Variants in PRKAR1B observed in about 807,000 individuals in gnomAD.
PRKAR1B encodes the protein cAMP-dependent protein kinase type I-beta regulatory subunit.
In PRKAR1B, 22 loss-of-function variants were observed where a neutral mutation model predicts 46.5. The ratio of observed to expected loss-of-function variants is 0.47; its 90% CI spans 0.34 to 0.68. The LOEUF (loss-of-function observed/expected upper bound fraction) is 0.68, where lower values mean the gene tolerates loss of function less well. PRKAR1B is among the 30% of genes least tolerant of loss of function. PRKAR1B has a pLI of 0.01. For synonymous variants in PRKAR1B, 259 were observed against 217.7 expected, an observed-to-expected ratio of 1.19 and a Z score of -1.67; for missense variants, 445 against 535.6, an observed-to-expected ratio of 0.83 and a Z score of 1.67.
intron 4 of PRKAR1B, among the ~76,000 whole-genome samples, chr7:642,552 C>A (rs1215116460): frequency 6.6e-6 from 1 of 151,736 alleles, no homozygotes; most frequent in African/African-American, 2.4e-5. Context: ...GGTGAAACCC[C>A]GTCTCTACTA....
intron 9 of PRKAR1B, among the ~76,000 whole-genome samples, chr7:556,997 C>G (rs1778484036): frequency 6.6e-6 from 1 of 152,202 alleles, no homozygotes; most frequent in Non-Finnish European, 1.5e-5. Flanking sequence ...CCACAGCCGA[C>G]CCCCACCTCT....
rs776006801 is a variant in PRKAR1B, at chr7:596,260, G to T, written c.594C>A (p.Gly198=). 8 of 1,613,772 alleles carry T rather than the reference G, an allele frequency of 5.0e-6. No individual in the cohort carries two copies. Among genetic ancestry groups the T allele is most frequent in the African/African-American group, 2.7e-5 (2 of 74,934 alleles). ...AGATGAGCGCCAGCTCCCCGAAGCTGCCTCCCTCGCTGATGTTGGTCACCC... is the reference window on the plus strand; with the variant it reads ...AGATGAGCGCCAGCTCCCCGAAGCTTCCTCCCTCGCTGATGTTGGTCACCC... ...GEWVTNISEG[G]SFGELALIYG... Residue 198 remains glycine (G), a synonymous_variant, in exon 7 of 11, where the codon GGC becomes GGA. Transcript: ENST00000537384.
At chr7:719,243 T>G (rs1780991043) in intron 1 of PRKAR1B, among the ~76,000 whole-genome samples, 1 of 152,172 alleles carries the variant, frequency 6.6e-6, no homozygotes, top group South Asian at 2.1e-4. Flanking sequence ...TTTCACCCTC[T>G]TGGCCAGGCT....
At chr7:639,863 G>GA (rs1196804947) in intron 4 of PRKAR1B, among the ~76,000 whole-genome samples, 3 of 148,088 alleles carry the variant, frequency 2.0e-5, no homozygotes, top group African/African-American at 5.0e-5. Flanking sequence ...TCCTTAAAAA[G>GA]AAAAAAAGAA....
intron 4 of PRKAR1B, among the ~76,000 whole-genome samples, chr7:665,336 C>T (rs978966390): frequency 6.6e-6 from 1 of 152,180 alleles, no homozygotes; most frequent in Non-Finnish European, 1.5e-5. Context: ...AGCTGGGTGG[C>T]CCGACGCAGC....
rs552599433 is a variant in PRKAR1B, at chr7:712,205, GC to G, written c.-22-679del. On this transcript the variant is annotated intron_variant, in intron 1 of 10. Coordinates refer to ENST00000537384, the MANE Select transcript of PRKAR1B (RefSeq NM_001164760.2). ...GGAGTGCCCAGACCGCCGGGAAGGCGCCCACCCAGAGACCCCGCGCCCCCCG... is the reference window on the plus strand; with the variant it reads ...GGAGTGCCCAGACCGCCGGGAAGGCGCCACCCAGAGACCCCGCGCCCCCCG... Among the ~76,000 whole-genome samples the G allele has an allele frequency of 8.7e-3, 1,297 of 149,646 alleles. 12 individuals carry two copies. Among genetic ancestry groups the G allele is most frequent in the Middle Eastern group, 0.032 (9 of 284 alleles).
intron 9 of PRKAR1B, among the ~76,000 whole-genome samples, chr7:571,628 A>G (rs1319143758): frequency 6.6e-6 from 1 of 152,134 alleles, no homozygotes; most frequent in African/African-American, 2.4e-5. Flanking sequence ...AAGCTGGGGA[A>G]TTTCGGTCTC....
intron 4 of PRKAR1B, among the ~76,000 whole-genome samples, chr7:636,773 G>T (rs558836442): frequency 2.8e-4 from 43 of 152,336 alleles, no homozygotes; most frequent in African/African-American, 1.0e-3. Context: ...CCATCTCTCT[G>T]TCTCTGCACC....
At position 685,261 on chromosome 7, in the gene PRKAR1B, C is replaced by CATATATACGTATATATACGT. The variant is rs1554303070; in HGVS notation, c.178-4555_178-4536dup. On this transcript the variant is annotated intron_variant, in intron 2 of 10. Coordinates refer to ENST00000537384, the MANE Select transcript of PRKAR1B (RefSeq NM_001164760.2). ...ACACATATAACACGTTTTATATATA[C>CATATATACGTATATATACGT]ATATATACGTATATATACGTATATA... Among the ~76,000 whole-genome samples the CATATATACGTATATATACGT allele has an allele frequency of 4.9e-5, 3 of 61,420 alleles. 1 individual carries two copies. In the Admixed American group the frequency reaches 5.0e-4, roughly 10 times the overall value. 40.3% of individuals were successfully genotyped at this position (61,420 alleles called of 152,430 possible). A position where few individuals can be genotyped will look rare whatever the true frequency, so the allele number is the denominator to read the frequency against.
In PRKAR1B at chr7:550,588, G is replaced by A; in HGVS notation, c.988C>T (p.Leu330=). The A allele has an allele frequency of 6.3e-7, 1 of 1,585,068 alleles. No individual in the cohort carries two copies. Residue 330 remains leucine (L), a synonymous_variant, in exon 11 of 11, where the codon CTG becomes TTG. Coordinates refer to ENST00000537384, the MANE Select transcript of PRKAR1B (RefSeq NM_001164760.2). Reference sequence around the variant, plus strand: ...GTGGCCGCCCGGGGCCGGTTCAGCAGCAGTGCAATCTCCCCTGGGGGTTGA... The same window carrying A: ...GTGGCCGCCCGGGGCCGGTTCAGCAACAGTGCAATCTCCCCTGGGGGTTGA... ...PSDYFGEIAL[L]LNRPRAATVV... is the part of the protein sequence containing the mutation.
In PRKAR1B at chr7:714,399, G is replaced by A. The variant is rs546112911; in HGVS notation, c.-22-2872C>T. On this transcript the variant is annotated intron_variant, in intron 1 of 10. Coordinates refer to ENST00000537384, the MANE Select transcript of PRKAR1B (RefSeq NM_001164760.2). This position sits in a 1 kb window ranked among gnomAD's most constrained non-coding sequence, Gnocchi z 4.3. ...CCTCAGGCTGAGCCTCCTTGCCTGC[G>A]TCCTTTTGAGACAAGGATCTCCCAG... is the stretch of plus-strand genomic sequence containing the variant. 5.9e-5 allele frequency among the ~76,000 whole-genome samples: 9 copies of A among 152,298 alleles called. No homozygotes were observed. Among genetic ancestry groups the A allele is most frequent in the Admixed American group, 2.0e-4 (3 of 15,300 alleles).
At chr7:586,637 C>A (rs1780617132) in intron 7 of PRKAR1B, among the ~76,000 whole-genome samples, 1 of 152,208 alleles carries the variant, frequency 6.6e-6, no homozygotes, top group Non-Finnish European at 1.5e-5. Flanking sequence ...GGAAATGGAA[C>A]AAATGTAACA....
intron 7 of PRKAR1B, among the ~76,000 whole-genome samples, chr7:585,520 G>A (rs969186857): frequency 1.3e-5 from 2 of 152,128 alleles, no homozygotes; most frequent in Admixed American, 6.5e-5. Context: ...GGTGTACGCC[G>A]GGATGTGAGT....
rs1431279397 is a variant in PRKAR1B, at chr7:593,408, C to A, written c.708+2738G>T. On this transcript the variant is annotated intron_variant, in intron 7 of 10. Transcript: ENST00000537384. This position sits in a 1 kb window ranked among gnomAD's most constrained non-coding sequence, Gnocchi z 6.1. The stretch of plus-strand genomic sequence containing the variant: ...CTGCAAATGCTCCCGTCCAAACCAG[C>A]CCGGCGCGGCCAGCTATTCTTAGCG... 1.3e-5 allele frequency among the ~76,000 whole-genome samples: 2 copies of A among 152,204 alleles called. No individual in the cohort carries two copies. Among genetic ancestry groups the A allele is most frequent in the East Asian group, 1.9e-4 (1 of 5,196 alleles).
chr7:674,671 T>A (rs150834508), intron 4 of PRKAR1B, among the ~76,000 whole-genome samples: 1,526 of 152,080 alleles, frequency 0.01, 18 homozygotes, highest in East Asian at 0.092. Context: ...TCTAGCCACA[T>A]CTAGCCACTC....
intron 1 of PRKAR1B, among the ~76,000 whole-genome samples, chr7:720,593 G>C (rs746265599): frequency 6.6e-6 from 1 of 152,208 alleles, no homozygotes; most frequent in African/African-American, 2.4e-5. Flanking sequence ...GTCGTCAACT[G>C]CAACAGCAGG....
chr7:679,839 A>G (rs1204556695), intron 3 of PRKAR1B, among the ~76,000 whole-genome samples: 5 of 152,116 alleles, frequency 3.3e-5, no homozygotes, highest in Admixed American at 3.3e-4. Context: ...AGGGCCCTGA[A>G]TAATGGGATT....
At chr7:552,953 CAG>C (rs908093374) in intron 9 of PRKAR1B, among the ~76,000 whole-genome samples, 24 of 152,266 alleles carry the variant, frequency 1.6e-4, no homozygotes, top group African/African-American at 5.5e-4. Context: ...ATGATTAACA[CAG>C]AGGCCGTGGG....
chr7:672,033 C>T (rs1786283333), intron 4 of PRKAR1B, among the ~76,000 whole-genome samples: 1 of 152,208 alleles, frequency 6.6e-6, no homozygotes. Context: ...CCCGGAAGAG[C>T]CAGCCCCATG....
Sources: gnomAD v4.1 joint callset for allele counts (sites outside exome capture counted in the v4.1 genomes callset) on GRCh38, gnomAD v4.1.1 for gene constraint, Gnocchi (gnomAD v3.1) non-coding constraint, MANE v1.5 for transcripts, NCBI Gene and HGNC (gene_info 2026-07-23, HGNC 2026-07-21) for gene names.